CCDC106: variants seen among roughly 807,000 people sequenced by gnomAD.
CCDC106 encodes the protein coiled-coil domain containing 106, also known as coiled-coil domain-containing protein 106.
A neutral mutation model predicts 24.7 loss-of-function variants in CCDC106; 17 were observed. That is an observed-to-expected ratio of 0.69 (90% CI 0.47 to 1.03). The LOEUF (loss-of-function observed/expected upper bound fraction) is 1.03, where lower values mean the gene tolerates loss of function less well. Among genes scored for constraint, CCDC106 ranks in the 50% least tolerant of loss-of-function variants. The pLI is 0.00. For synonymous variants in CCDC106, 211 were observed against 161.3 expected, an observed-to-expected ratio of 1.31 and a Z score of -2.34; for missense variants, 337 against 388.9, an observed-to-expected ratio of 0.87 and a Z score of 1.12.
intron 4 of CCDC106, among the ~76,000 whole-genome samples, chr19:55,651,715 G>A (rs1184960993): frequency 1.3e-5 from 2 of 151,722 alleles, no homozygotes; most frequent in African/African-American, 4.8e-5. Flanking sequence ...CTGGAGTGGT[G>A]CAGTGGCGCA....
chr19:55,651,569 C>T, intron 4 of CCDC106, 74 bp downstream of exon 4: 2 of 1,051,666 alleles, frequency 1.9e-6, no homozygotes, highest in Non-Finnish European at 2.7e-6. Context: ...CCAGAGGTCC[C>T]CCTTTCTCTC....
At chr19:55,650,557 G>A (rs1276328671) in intron 3 of CCDC106, among the ~76,000 whole-genome samples, 1 of 152,178 alleles carries the variant, frequency 6.6e-6, no homozygotes, top group Admixed American at 6.5e-5. Context: ...TCCTAGGCAA[G>A]GGGGCTATGG....
Position 55,653,009 on chromosome 19 carries a change from C to CG in CCDC106, c.*263_*264insG, listed in dbSNP as rs894483854. The CG allele has an allele frequency of 8.1e-6, 4 of 492,442 alleles. No homozygotes were observed. Among genetic ancestry groups the CG allele is most frequent in the Non-Finnish European group, 1.5e-5 (4 of 275,206 alleles). The allele number at this position is 492,442 out of a possible 1,614,324, so 30.5% of individuals were successfully genotyped here. ...AAAACCAGGCAGGCGGGTGCCCCCC[C>CG]CTCGAGTGGGGGACTGTACAGACCC... On this transcript the variant is annotated 3_prime_UTR_variant, in exon 5 of 5. Coordinates refer to ENST00000586790, the MANE Select transcript of CCDC106 (RefSeq NM_001370470.1).
Position 55,649,561 on chromosome 19 carries a change from T to A in CCDC106, c.290T>A (p.Ile97Asn). 1 of 1,613,930 alleles carries A rather than the reference T, an allele frequency of 6.2e-7. No homozygotes were observed. Among genetic ancestry groups the A allele is most frequent in the Non-Finnish European group, 8.5e-7 (1 of 1,179,914 alleles). Residue 97 changes from isoleucine to asparagine, a missense_variant, in exon 3 of 5, where the codon ATC becomes AAC. Around this residue, in one of 2 missense-constraint regions of CCDC106, gnomAD observed 234 missense variants for 236.5 expected, o/e 0.99. Transcript: ENST00000586790. ...CTGCGGTGCCAGCTGGACAAATTCA[T>A]CTCTTCTGCTCGGATGGAGGCAGGT... ...DFLRCQLDKF[I>N]SSARMEAEDH... is the part of the protein sequence containing the mutation.
Position 55,649,239 on chromosome 19 carries a change from C to G in CCDC106, c.66C>G (p.Pro22=). ...KDDETFEISI[P]FDEAPHLDPQ... is the part of the protein sequence containing the mutation. ...ATGAGACCTTCGAGATCTCCATTCC[C>G]TTCGATGAGGCACCCCACCTAGACC... is the stretch of plus-strand genomic sequence containing the variant. Residue 22 remains proline (P), a synonymous_variant, in exon 2 of 5, where the codon CCC becomes CCG. Transcript: ENST00000586790. 1.2e-6 allele frequency: 2 copies of G among 1,614,148 alleles called. No individual in the cohort carries two copies. Among genetic ancestry groups the G allele is most frequent in the Non-Finnish European group, 1.7e-6 (2 of 1,180,008 alleles).
Position 55,652,917 on chromosome 19 carries a change from C to T in CCDC106, c.*171C>T. 1.6e-6 allele frequency: 1 copy of T among 607,944 alleles called. No individual in the cohort carries two copies. Among genetic ancestry groups the T allele is most frequent in the South Asian group, 2.0e-5 (1 of 49,572 alleles). 37.7% of individuals were successfully genotyped at this position (607,944 alleles called of 1,614,324 possible). ...GCCCCGGACCGGCCGCGGCCCCTTC[C>T]CGAACGCCGGCACCCCCTTCCGCTT... On this transcript the variant is annotated 3_prime_UTR_variant, in exon 5 of 5. Coordinates refer to ENST00000586790, the MANE Select transcript of CCDC106 (RefSeq NM_001370470.1). The surrounding 1 kb of genome is among the most constrained non-coding windows in gnomAD (Gnocchi z 5.9).
At chr19:55,651,806 C>T (rs1460353198) in intron 4 of CCDC106, among the ~76,000 whole-genome samples, 2 of 152,094 alleles carry the variant, frequency 1.3e-5, no homozygotes, top group Non-Finnish European at 2.9e-5. Context: ...GGACTACAGG[C>T]ACCCGCCACC....
In CCDC106 at chr19:55,651,514, G is replaced by T; in HGVS notation, c.526+19G>T. 6.6e-7 allele frequency: 1 copy of T among 1,509,012 alleles called. No individual in the cohort carries two copies. Among genetic ancestry groups the T allele is most frequent in the Non-Finnish European group, 8.9e-7 (1 of 1,119,206 alleles). 93.5% of individuals were successfully genotyped at this position (1,509,012 alleles called of 1,614,324 possible). A position where few individuals can be genotyped will look rare whatever the true frequency, so the allele number is the denominator to read the frequency against. ...CAGCGAGGTGAGTGGGGTGCATGGG[G>T]CGGGCGCTGAGGGGCCCGGGCTGCT... On this transcript the variant is annotated intron_variant, in intron 4 of 4. Transcript: ENST00000586790.
At position 55,652,458 on chromosome 19, in the gene CCDC106, G is replaced by C. The variant is rs1044841871; in HGVS notation, c.555G>C (p.Arg185=). The C allele has an allele frequency of 2.5e-6, 4 of 1,607,712 alleles. No homozygotes were observed. The Admixed American group carries it at 5.0e-5, about 20-fold the overall frequency. The change falls in exon 5 of 5, where the codon CGG becomes CGC. Residue 185 remains arginine, a synonymous_variant. Transcript: ENST00000586790. The surrounding 1 kb of genome is among the most constrained non-coding windows in gnomAD (Gnocchi z 5.9). ...RVKDADGVLC[R]YKKILGTFQK... ...AGGACGCCGACGGGGTCCTCTGCCG[G>C]TACAAGAAGATCCTGGGCACCTTCC... is the stretch of plus-strand genomic sequence containing the variant.
In CCDC106 at chr19:55,649,464, C is replaced by T. The variant is rs1165128499; in HGVS notation, c.193C>T (p.Leu65=). The change falls in exon 3 of 5, where the codon CTG becomes TTG. Residue 65 remains leucine (L), a synonymous_variant. Transcript: ENST00000586790. ...LALMNSVKTQ[L]HMALERNSWL... is the part of the protein sequence containing the mutation. ...TCTGATGAACAGCGTCAAGACCCAG[C>T]TGCACATGGCTCTGGAGAGGAACTC... 7.4e-6 allele frequency: 12 copies of T among 1,613,984 alleles called. No individual in the cohort carries two copies. In the Admixed American group the frequency reaches 1.5e-4, roughly 20 times the overall value.
rs746473693 is a variant in CCDC106 at position 55,649,093 on chromosome 19, C to T, written c.31+16C>T. On this transcript the variant is annotated intron_variant, in intron 1 of 4. Transcript: ENST00000586790. ...AGGCGGACAAGTGAGGAAGCTGGGT[C>T]CCCTTCCCTACCCTGGGTCCCAGTG... 9 of 1,614,000 alleles carry T rather than the reference C, an allele frequency of 5.6e-6. No homozygotes were observed. Among genetic ancestry groups the T allele is most frequent in the South Asian group, 1.1e-5 (1 of 91,084 alleles).
chr19:55,651,515 C>T lies in CCDC106; in HGVS notation c.526+20C>T, dbSNP rs519856. On this transcript the variant is annotated intron_variant, in intron 4 of 4. Transcript: ENST00000586790. ...AGCGAGGTGAGTGGGGTGCATGGGG[C>T]GGGCGCTGAGGGGCCCGGGCTGCTG... The T allele has an allele frequency of 0.61, 917,366 of 1,509,770 alleles. 283,868 individuals are homozygous for T. Among genetic ancestry groups the T allele is most frequent in the Admixed American group, 0.69 (32,140 of 46,726 alleles). The allele number at this position is 1,509,770 out of a possible 1,614,324, so 93.5% of individuals were successfully genotyped here.
rs773296878 is a variant in CCDC106, at chr19:55,649,320, G to A, written c.136+11G>A. The A allele has an allele frequency of 2.7e-5, 43 of 1,612,694 alleles. No individual in the cohort carries two copies. In the Admixed American group the frequency reaches 5.8e-4, roughly 22 times the overall value. Reference sequence around the variant, plus strand: ...GGAGAAACTTCGAGGGTGAGCTGAGGGGGTGTGGAGGGACTGGAGTCAGCT... The same window carrying A: ...GGAGAAACTTCGAGGGTGAGCTGAGAGGGTGTGGAGGGACTGGAGTCAGCT... On this transcript the variant is annotated intron_variant, in intron 2 of 4. Coordinates refer to ENST00000586790, the MANE Select transcript of CCDC106 (RefSeq NM_001370470.1).
rs565798090 is a variant in CCDC106 at position 55,648,911 on chromosome 19, A to G, written c.-136A>G. 4 of 875,990 alleles carry G rather than the reference A, an allele frequency of 4.6e-6. No homozygotes were observed. Among genetic ancestry groups the G allele is most frequent in the South Asian group, 2.8e-5 (2 of 71,148 alleles). 54.3% of individuals were successfully genotyped at this position (875,990 alleles called of 1,614,324 possible). ...CTCCCTCAGACCAGGGGTCCAGGCCAGAAGGTCCCTCCTGTCTCACTTCAC... is the reference window on the plus strand; with the variant it reads ...CTCCCTCAGACCAGGGGTCCAGGCCGGAAGGTCCCTCCTGTCTCACTTCAC... On this transcript the variant is annotated 5_prime_UTR_variant, in exon 1 of 5. Coordinates refer to ENST00000586790, the MANE Select transcript of CCDC106 (RefSeq NM_001370470.1).
upstream of CCDC106, among the ~76,000 whole-genome samples, chr19:55,647,646 C>G (rs929937783): frequency 1.3e-5 from 2 of 152,180 alleles, no homozygotes; most frequent in Non-Finnish European, 2.9e-5. Context: ...AAAGCCAGCT[C>G]TTAATTACCA....
chr19:55,652,071 C>G lies in CCDC106; in HGVS notation c.527-359C>G, dbSNP rs896297614. Among the ~76,000 whole-genome samples, 1 of 152,004 alleles carries G rather than the reference C, an allele frequency of 6.6e-6. No individual in the cohort carries two copies. Among genetic ancestry groups the G allele is most frequent in the Non-Finnish European group, 1.5e-5 (1 of 67,996 alleles). ...GAGGTGCGCAGTAGGACCTACCTCA[C>G]GGGGAGGGTGAGACTTGAATAAGTG... On this transcript the variant is annotated intron_variant, in intron 4 of 4. Coordinates refer to ENST00000586790, the MANE Select transcript of CCDC106 (RefSeq NM_001370470.1). This position sits in a 1 kb window ranked among gnomAD's most constrained non-coding sequence, Gnocchi z 5.9.
Position 55,649,073 on chromosome 19 carries a change from G to A in CCDC106, c.27G>A (p.Arg9=), listed in dbSNP as rs1267487838. Residue 9 remains arginine, a synonymous_variant, in exon 1 of 5, where the codon CGG becomes CGA. Coordinates refer to ENST00000586790, the MANE Select transcript of CCDC106 (RefSeq NM_001370470.1). Reference sequence around the variant, plus strand: ...TGAATGACCGGAGCAGTCGGAGGCGGACAAGTGAGGAAGCTGGGTCCCCTT... The same window carrying A: ...TGAATGACCGGAGCAGTCGGAGGCGAACAAGTGAGGAAGCTGGGTCCCCTT... MNDRSSRR[R]TMKDDETFEI... 3 of 1,613,944 alleles carry A rather than the reference G, an allele frequency of 1.9e-6. No homozygotes were observed. Among genetic ancestry groups the A allele is most frequent in the Non-Finnish European group, 1.7e-6 (2 of 1,180,016 alleles).
At chr19:55,649,355 A>C in intron 2 of CCDC106, 46 bp downstream of exon 2, 1 of 1,613,002 alleles carries the variant, frequency 6.2e-7, no homozygotes. Flanking sequence ...TGGGAAGCCA[A>C]GCCCTGAGTC....
Position 55,649,267 on chromosome 19 carries a change from C to G in CCDC106, c.94C>G (p.Gln32Glu). 1 of 1,614,172 alleles carries G rather than the reference C, an allele frequency of 6.2e-7. No individual in the cohort carries two copies. Reference protein sequence around the residue: ...PFDEAPHLDPQIFYSLSPSRR... With the variant: ...PFDEAPHLDPEIFYSLSPSRR... ...CGATGAGGCACCCCACCTAGACCCA[C>G]AGATCTTTTACAGTCTGAGCCCCTC... Residue 32 changes from glutamine (Q) to glutamate (E), a missense_variant, in exon 2 of 5, where the codon CAG becomes GAG. Physicochemically the swap from Gln to Glu is conservative, Grantham distance 29 (BLOSUM62 2). Transcript: ENST00000586790.
Sources: gnomAD v4.1 joint callset for allele counts (sites outside exome capture counted in the v4.1 genomes callset) on GRCh38, gnomAD v4.1.1 for gene constraint, gnomAD v4.1.1 regional missense constraint, Gnocchi (gnomAD v3.1) non-coding constraint, MANE v1.5 for transcripts, NCBI Gene and HGNC (gene_info 2026-07-23, HGNC 2026-07-21) for gene names.